RPRD1A: variants seen among roughly 807,000 people sequenced by gnomAD.
The protein encoded by RPRD1A is regulation of nuclear pre-mRNA domain-containing protein 1A.
RPRD1A carries 9 observed loss-of-function variants against 37.8 expected under a neutral mutation model. The observed-to-expected ratio is 0.24, with a 90% CI of 0.14 to 0.42. The LOEUF is 0.42. RPRD1A is among the 10% of genes least tolerant of loss of function. The probability of loss-of-function intolerance (pLI) is 1.00; values close to 1 mark genes in which losing one functional copy is unlikely to be tolerated. For synonymous variants in RPRD1A, 138 were observed against 139.7 expected (o/e 0.99, Z 0.08); for missense variants, 255 against 371.0 (o/e 0.69, Z 2.57).
intron 6 of RPRD1A, chr18:36,026,555 T>C (rs1178446292): frequency 1.1e-5 from 2 of 184,526 alleles, no homozygotes; most frequent in Admixed American, 5.5e-5. Flanking sequence ...AAACAGAAAC[T>C]AAATAAATCC....
At chr18:36,040,602 A>C (rs910491363) in intron 1 of RPRD1A, among the ~76,000 whole-genome samples, 1 of 152,210 alleles carries the variant, frequency 6.6e-6, no homozygotes, top group Non-Finnish European at 1.5e-5. Context: ...CATGAAATCT[A>C]GAAGTAGGTA....
chr18:36,013,128 C>A (rs953491982), intron 6 of RPRD1A, among the ~76,000 whole-genome samples: 1 of 152,168 alleles, frequency 6.6e-6, no homozygotes, highest in Non-Finnish European at 1.5e-5. Context: ...ATCTACAACT[C>A]CTGATTCCTT....
intron 6 of RPRD1A, among the ~76,000 whole-genome samples, chr18:36,013,919 A>C (rs1034236820): frequency 2.0e-5 from 3 of 152,096 alleles, no homozygotes; most frequent in African/African-American, 7.2e-5. Context: ...TCCATAAAAA[A>C]CCATAAGGAA....
At chr18:36,048,687 T>G (rs1344203760) in intron 1 of RPRD1A, among the ~76,000 whole-genome samples, 1 of 150,934 alleles carries the variant, frequency 6.6e-6, no homozygotes, top group African/African-American at 2.4e-5. Flanking sequence ...ACATTACATC[T>G]AATGGAGAAA....
intron 1 of RPRD1A, among the ~76,000 whole-genome samples, chr18:36,067,000 C>A (rs541733388): frequency 6.6e-6 from 1 of 152,322 alleles, no homozygotes; most frequent in Admixed American, 6.5e-5. Flanking sequence ...GGTGTGGAGT[C>A]CCAACCCCCT....
intron 6 of RPRD1A, chr18:36,025,922 C>CA: frequency 4.1e-6 from 1 of 241,472 alleles, no homozygotes; most frequent in Non-Finnish European, 8.2e-6. Flanking sequence ...TAGTGGCCAC[C>CA]AACTATCATC....
intron 1 of RPRD1A, among the ~76,000 whole-genome samples, chr18:36,055,125 A>G (rs541579997): frequency 9.8e-5 from 15 of 152,338 alleles, no homozygotes; most frequent in Admixed American, 2.0e-4. Context: ...ACCATCACAA[A>G]TGCTGTTCAA....
intron 6 of RPRD1A, chr18:36,025,865 A>G: frequency 9.6e-6 from 3 of 314,002 alleles, no homozygotes; most frequent in East Asian, 8.8e-5. Context: ...AAAAAAAAAA[A>G]CCATCTTTTC....
At chr18:36,013,401 TATA>T (rs1301516131) in intron 6 of RPRD1A, among the ~76,000 whole-genome samples, 9 of 152,058 alleles carry the variant, frequency 5.9e-5, no homozygotes, top group African/African-American at 1.9e-4. Context: ...TCAATATACC[TATA>T]ATAAGATTTA....
intron 6 of RPRD1A, among the ~76,000 whole-genome samples, chr18:35,996,703 C>T (rs1256235883): frequency 6.6e-6 from 1 of 152,090 alleles, no homozygotes; most frequent in East Asian, 1.9e-4. Context: ...ACTGGCCAGG[C>T]ACAGTGGATC....
chr18:36,027,424 T>C (rs1686558164), intron 4 of RPRD1A, 114 bp from the exon 5 acceptor site: 1 of 1,085,496 alleles, frequency 9.2e-7, no homozygotes, highest in Non-Finnish European at 1.3e-6. Context: ...AAGCTCCTAA[T>C]ATAAACTGCT....
chr18:36,052,993 G>C (rs1177992241), intron 1 of RPRD1A: 2 of 152,048 alleles, frequency 1.3e-5, no homozygotes, highest in African/African-American at 4.8e-5. Flanking sequence ...TCAAAAAACA[G>C]AACTAGGGAT....
At position 35,992,179 on chromosome 18, in the gene RPRD1A, A is replaced by G. The variant is rs1908753411; in HGVS notation, c.*972T>C. On this transcript the variant is annotated 3_prime_UTR_variant, in exon 7 of 7. Transcript: ENST00000399022. ...TCAAAAACCTTAAGGAAACATTGAA[A>G]ATGTCTCAGGCTACTTTACTGAACA... The G allele has an allele frequency of 6.6e-6, 1 of 152,666 alleles. No homozygotes were observed. Among genetic ancestry groups the G allele is most frequent in the Admixed American group, 6.5e-5 (1 of 15,286 alleles). 9.5% of individuals were successfully genotyped at this position (152,666 alleles called of 1,614,324 possible).
intron 1 of RPRD1A, among the ~76,000 whole-genome samples, chr18:36,041,128 A>C (rs753554767): frequency 7.2e-5 from 11 of 152,210 alleles, no homozygotes; most frequent in Non-Finnish European, 1.0e-4. Context: ...CCTGTTCCTA[A>C]CTTTCTGGAT....
chr18:36,039,155 C>T (rs1174097168), intron 1 of RPRD1A, among the ~76,000 whole-genome samples: 2 of 151,806 alleles, frequency 1.3e-5, no homozygotes. Context: ...TGGCTGTGTC[C>T]CCACCCAAAT....
rs1286211113 is a variant in RPRD1A, at chr18:36,040,797, A to G, written c.152-6960T>C. 5.4e-6 allele frequency: 8 copies of G among 1,485,982 alleles called. No individual in the cohort carries two copies. In the Admixed American group the frequency reaches 1.7e-4, roughly 32 times the overall value. The allele number at this position is 1,485,982 out of a possible 1,614,324, so 92.0% of individuals were successfully genotyped here. A position where few individuals can be genotyped will look rare whatever the true frequency, so the allele number is the denominator to read the frequency against. ...ACTTACATAGAAGAAAAGTGTTTTT[A>G]TTCACTTACAGTAAATTCCTGTTTG... On this transcript the variant is annotated intron_variant, in intron 1 of 6. Transcript: ENST00000399022.
At chr18:36,062,755 A>C (rs2088942215) in intron 1 of RPRD1A, among the ~76,000 whole-genome samples, 1 of 152,224 alleles carries the variant, frequency 6.6e-6, no homozygotes. Flanking sequence ...CTATAGAGGC[A>C]AAGTAAATTA....
chr18:36,028,768 A>T (rs1357487785), intron 4 of RPRD1A, among the ~76,000 whole-genome samples: 2 of 152,218 alleles, frequency 1.3e-5, no homozygotes, highest in Non-Finnish European at 2.9e-5. Flanking sequence ...ACACACAAAA[A>T]TGAAGACCAC....
chr18:36,030,955 A>ATT (rs1205097315), intron 3 of RPRD1A, 36 bp downstream of exon 3: 2 of 1,595,094 alleles, frequency 1.3e-6, no homozygotes, highest in African/African-American at 2.7e-5. Flanking sequence ...ATTTTAATGA[A>ATT]GAGATCAAGG....
Sources: gnomAD v4.1 joint callset for allele counts (sites outside exome capture counted in the v4.1 genomes callset) on GRCh38, gnomAD v4.1.1 for gene constraint, MANE v1.5 for transcripts, NCBI Gene and HGNC (gene_info 2026-07-23, HGNC 2026-07-21) for gene names.